Variants in GRID1 observed in about 807,000 individuals in gnomAD.
GRID1 encodes the protein glutamate receptor ionotropic, delta-1.
In GRID1, 28 loss-of-function variants were observed where a neutral mutation model predicts 98.0. That is an observed-to-expected ratio of 0.29 (90% confidence interval 0.21 to 0.39). The LOEUF is 0.39. GRID1 is among the 10% of genes least tolerant of loss of function. The pLI is 1.00. For missense variants in GRID1, 1,111 were observed against 1,340.5 expected, an observed-to-expected ratio of 0.83 and a Z score of 2.67; for synonymous variants, 553 against 538.5, an observed-to-expected ratio of 1.03 and a Z score of -0.37.
intron 2 of GRID1, among the ~76,000 whole-genome samples, chr10:86,248,500 C>A (rs1486915185): frequency 6.6e-6 from 1 of 151,562 alleles, no homozygotes; most frequent in South Asian, 2.1e-4. Context: ...TCGTACAAAA[C>A]GTTGGATAAA....
chr10:86,133,928 G>A (rs924254721), intron 4 of GRID1, among the ~76,000 whole-genome samples: 3 of 152,124 alleles, frequency 2.0e-5, no homozygotes, highest in Admixed American at 1.3e-4. Flanking sequence ...AAAACAAACA[G>A]TTTAAAATCA....
chr10:86,361,332 A>G (rs2132123304), intron 2 of GRID1, among the ~76,000 whole-genome samples: 1 of 152,082 alleles, frequency 6.6e-6, no homozygotes, highest in African/African-American at 2.4e-5. Flanking sequence ...ATTTCAGTCC[A>G]CCAGACTCAT....
chr10:85,665,619 T>C (rs73326648), intron 12 of GRID1, among the ~76,000 whole-genome samples: 2,932 of 152,276 alleles, frequency 0.019, 80 homozygotes, highest in African/African-American at 0.067. Flanking sequence ...TGGTCTTAAA[T>C]TGCTTGACAG....
At chr10:85,629,210 T>C (rs1842945975) in intron 13 of GRID1, among the ~76,000 whole-genome samples, 1 of 152,200 alleles carries the variant, frequency 6.6e-6, no homozygotes, top group Non-Finnish European at 1.5e-5. Flanking sequence ...ATCCCTTTTT[T>C]TCCATGAGTT....
At chr10:85,834,650 C>T (rs961429472) in intron 8 of GRID1, among the ~76,000 whole-genome samples, 2 of 151,898 alleles carry the variant, frequency 1.3e-5, no homozygotes, top group Non-Finnish European at 2.9e-5. Context: ...GGTAAAGGTA[C>T]CTAAATGGAA....
intron 2 of GRID1, among the ~76,000 whole-genome samples, chr10:86,360,175 A>T (rs2132122632): frequency 6.6e-6 from 1 of 152,374 alleles, no homozygotes; most frequent in Admixed American, 6.5e-5. Flanking sequence ...TTTATAAAAA[A>T]AAAAGTTTTG....
intron 3 of GRID1, among the ~76,000 whole-genome samples, chr10:86,179,900 TAC>T (rs930346021): frequency 2.6e-5 from 4 of 152,148 alleles, no homozygotes; most frequent in African/African-American, 4.8e-5. Context: ...CCACATTTAT[TAC>T]ACACACACCT....
chr10:85,968,406 G>A (rs867771920), intron 4 of GRID1, among the ~76,000 whole-genome samples: 5 of 141,304 alleles, frequency 3.5e-5, no homozygotes, highest in Non-Finnish European at 6.0e-5. Flanking sequence ...AGCCGGGATC[G>A]CGCCACTGCA....
chr10:85,906,909 A>G (rs1022603152), intron 5 of GRID1, among the ~76,000 whole-genome samples: 1 of 152,200 alleles, frequency 6.6e-6, no homozygotes, highest in Non-Finnish European at 1.5e-5. Flanking sequence ...ATTGAAAAAC[A>G]ATAGAGAAAA....
At chr10:86,038,212 T>C (rs1472935242) in intron 4 of GRID1, among the ~76,000 whole-genome samples, 1 of 152,162 alleles carries the variant, frequency 6.6e-6, no homozygotes, top group Non-Finnish European at 1.5e-5. Flanking sequence ...GGTGCTTTGA[T>C]ATGGTAGCCC....
chr10:86,168,636 G>A (rs999563787), intron 3 of GRID1, among the ~76,000 whole-genome samples: 1 of 152,220 alleles, frequency 6.6e-6, no homozygotes, highest in Non-Finnish European at 1.5e-5. Context: ...CCAGCCCTGA[G>A]GGAGCCTCAG....
chr10:85,984,545 TG>T (rs1192795755), intron 4 of GRID1, among the ~76,000 whole-genome samples: 1 of 152,132 alleles, frequency 6.6e-6, no homozygotes, highest in African/African-American at 2.4e-5. Flanking sequence ...GACCTGGAGC[TG>T]GGAGAGGTGG....
chr10:85,746,406 A>G (rs1841997720), intron 8 of GRID1, among the ~76,000 whole-genome samples: 1 of 152,170 alleles, frequency 6.6e-6, no homozygotes, highest in Non-Finnish European at 1.5e-5. Context: ...TCTTCTAGAA[A>G]GTGACCTTGT....
chr10:85,628,475 G>A (rs1396265919), intron 13 of GRID1, among the ~76,000 whole-genome samples: 1 of 152,124 alleles, frequency 6.6e-6, no homozygotes, highest in African/African-American at 2.4e-5. Flanking sequence ...GAGGACTCAG[G>A]TACCAAGCTG....
chr10:86,241,411 G>A lies in GRID1; in HGVS notation c.236-34763C>T, dbSNP rs561180047. On this transcript the variant is annotated intron_variant, in intron 2 of 15. Transcript: ENST00000327946. ...AAGAGTGAGGCATCTTTACAGGGGG[G>A]CCCCCTACAGCCGCAGGCTGAGTCC... 1.0e-4 allele frequency among the ~76,000 whole-genome samples: 15 copies of A among 149,790 alleles called. No homozygotes were observed. The South Asian group carries it at 1.7e-3, about 17-fold the overall frequency.
chr10:85,896,032 A>G (rs1841288737), intron 5 of GRID1, among the ~76,000 whole-genome samples: 1 of 151,896 alleles, frequency 6.6e-6, no homozygotes, highest in South Asian at 2.1e-4. Context: ...AAAGTTCAAC[A>G]TAAGACAGCC....
At chr10:86,099,086 ACTGGCTTTTC>A (rs1174004434) in intron 4 of GRID1, among the ~76,000 whole-genome samples, 5 of 152,216 alleles carry the variant, frequency 3.3e-5, no homozygotes, top group Admixed American at 3.3e-4. Context: ...AAGTGATTAC[ACTGGCTTTTC>A]CAGGGTCACA....
chr10:86,009,653 A>G (rs59865973), intron 4 of GRID1, among the ~76,000 whole-genome samples: 5,922 of 152,230 alleles, frequency 0.039, 397 homozygotes, highest in African/African-American at 0.13. Context: ...CTGCTATTAG[A>G]TTTCAGTTTT....
At chr10:85,649,226 C>A (rs563518539) in intron 12 of GRID1, among the ~76,000 whole-genome samples, 165 of 152,312 alleles carry the variant, frequency 1.1e-3, no homozygotes, top group African/African-American at 3.7e-3. Context: ...ACAGAAGGCC[C>A]AGCTGTGGAT....
Sources: gnomAD v4.1 joint callset for allele counts (sites outside exome capture counted in the v4.1 genomes callset) on GRCh38, gnomAD v4.1.1 for gene constraint, MANE v1.5 for transcripts, NCBI Gene and HGNC (gene_info 2026-07-23, HGNC 2026-07-21) for gene names.